PTBP3: variants seen among roughly 807,000 people sequenced by gnomAD.
The protein encoded by PTBP3 is polypyrimidine tract-binding protein 3.
PTBP3 carries 20 observed loss-of-function variants against 58.7 expected under a neutral mutation model. That is an observed-to-expected ratio of 0.34 (90% CI 0.24 to 0.50). The LOEUF (loss-of-function observed/expected upper bound fraction) is 0.50, where lower values mean the gene tolerates loss of function less well. Ranked by LOEUF, PTBP3 falls within the 20% of genes least tolerant of loss-of-function variation. The pLI is 0.98. For missense variants in PTBP3, 509 were observed against 637.2 expected (o/e 0.80, Z 2.17); for synonymous variants, 185 against 219.8 (o/e 0.84, Z 1.40).
intron 4 of PTBP3, among the ~76,000 whole-genome samples, chr9:112,264,542 A>G (rs930669352): frequency 3.3e-5 from 5 of 152,250 alleles, no homozygotes; most frequent in African/African-American, 1.2e-4. Context: ...TGCTATTCAG[A>G]GAACAAAAAG....
chr9:112,219,202 A>G lies in PTBP3; in HGVS notation c.*4649T>C, dbSNP rs1415927428. On this transcript the variant is annotated 3_prime_UTR_variant, in exon 14 of 14. Transcript: ENST00000374257. ...GTCAGAGCAATGAGGTGACACTTTGATGCAAAACTTTGCTTGGTCAGCAAT... is the reference window on the plus strand; with the variant it reads ...GTCAGAGCAATGAGGTGACACTTTGGTGCAAAACTTTGCTTGGTCAGCAAT... 6.6e-6 allele frequency: 1 copy of G among 152,632 alleles called. No homozygotes were observed. The highest frequency in any genetic ancestry group is 6.5e-5 in the Admixed American group (1 of 15,274). 9.5% of individuals were successfully genotyped at this position (152,632 alleles called of 1,614,324 possible).
Position 112,222,025 on chromosome 9 carries a change from T to TGCCTGTAGCCTCCTGCCTACAGGCTCA in PTBP3, c.*1799_*1825dup, listed in dbSNP as rs1834825126. The TGCCTGTAGCCTCCTGCCTACAGGCTCA allele has an allele frequency of 5.3e-6, 5 of 938,230 alleles. No homozygotes were observed. Among genetic ancestry groups the TGCCTGTAGCCTCCTGCCTACAGGCTCA allele is most frequent in the Middle Eastern group, 1.1e-3 (2 of 1,860 alleles). 58.1% of individuals were successfully genotyped at this position (938,230 alleles called of 1,614,324 possible). On this transcript the variant is annotated 3_prime_UTR_variant, in exon 14 of 14. Coordinates refer to ENST00000374257, the MANE Select transcript of PTBP3 (RefSeq NM_001163788.4). Reference sequence around the variant, plus strand: ...AACTCCTGGGCTCAAGTGATCCTCCTGCCTGTAGCCTCCTGCCTACAGGCT... The same window carrying TGCCTGTAGCCTCCTGCCTACAGGCTCA: ...AACTCCTGGGCTCAAGTGATCCTCCTGCCTGTAGCCTCCTGCCTACAGGCTCAGCCTGTAGCCTCCTGCCTACAGGCT...
intron 4 of PTBP3, among the ~76,000 whole-genome samples, chr9:112,265,950 T>C (rs1473636041): frequency 6.6e-6 from 1 of 152,188 alleles, no homozygotes; most frequent in Non-Finnish European, 1.5e-5. Flanking sequence ...AAAACATATG[T>C]AGATTCTTTT....
At chr9:112,267,671 A>T (rs1827153580) in intron 4 of PTBP3, among the ~76,000 whole-genome samples, 1 of 152,164 alleles carries the variant, frequency 6.6e-6, no homozygotes, top group Non-Finnish European at 1.5e-5. Flanking sequence ...AATTCTAAAA[A>T]TTTTTTATTA....
In PTBP3 at chr9:112,218,877, T is replaced by C. The variant is rs1486991706; in HGVS notation, c.*4974A>G. On this transcript the variant is annotated 3_prime_UTR_variant, in exon 14 of 14. Transcript: ENST00000374257. ...AGCATTTTCTTCTGTTAGACGAACA[T>C]TCTTAAAAACTGAAAAGGGGAATTT... 1 of 152,542 alleles carries C rather than the reference T, an allele frequency of 6.6e-6. No homozygotes were observed. The highest frequency in any genetic ancestry group is 1.5e-5 in the Non-Finnish European group (1 of 68,038). The allele number at this position is 152,542 out of a possible 1,614,324, so 9.4% of individuals were successfully genotyped here.
chr9:112,256,374 A>G lies in PTBP3; in HGVS notation c.517-3586T>C, dbSNP rs992298522. ...TTTATTTATATAACTGTCTCCTTTC[A>G]TTAGACTGAAGGCTCCTTGAAGGAA... is the stretch of plus-strand genomic sequence containing the variant. On this transcript the variant is annotated intron_variant, in intron 5 of 13. Transcript: ENST00000374257. Among the ~76,000 whole-genome samples the G allele has an allele frequency of 6.7e-5, 10 of 149,514 alleles. No individual in the cohort carries two copies. The South Asian group carries it at 2.1e-3, about 32-fold the overall frequency.
intron 7 of PTBP3, among the ~76,000 whole-genome samples, chr9:112,247,554 A>C (rs2132059250): frequency 3.2e-5 from 1 of 31,244 alleles, no homozygotes; most frequent in Non-Finnish European, 5.6e-5. Context: ...AAAAATGACA[A>C]AAAAAAAAAA....
chr9:112,272,082 T>A (rs1399400779), intron 3 of PTBP3, among the ~76,000 whole-genome samples: 1 of 152,092 alleles, frequency 6.6e-6, no homozygotes, highest in African/African-American at 2.4e-5. Context: ...ATTTTTTATT[T>A]TTTTTTTGAG....
At chr9:112,245,264 T>G (rs1216866739) in intron 7 of PTBP3, among the ~76,000 whole-genome samples, 1 of 152,138 alleles carries the variant, frequency 6.6e-6, no homozygotes, top group Admixed American at 6.5e-5. Context: ...GAGCCCAGAT[T>G]GTACCACTGC....
intron 2 of PTBP3, among the ~76,000 whole-genome samples, chr9:112,291,964 C>A (rs1219791989): frequency 2.4e-5 from 1 of 41,056 alleles, no homozygotes; most frequent in African/African-American, 2.7e-4. Flanking sequence ...AAACTACATA[C>A]GTGATGGGGG....
chr9:112,225,495 C>T (rs1381562879), intron 12 of PTBP3, among the ~76,000 whole-genome samples: 2 of 152,036 alleles, frequency 1.3e-5, no homozygotes, highest in African/African-American at 4.8e-5. Context: ...AGGTGACGGT[C>T]GCACAATAAT....
At position 112,268,129 on chromosome 9, in the gene PTBP3, G is replaced by A; in HGVS notation, c.271C>T (p.Pro91Ser). 1.2e-6 allele frequency: 2 copies of A among 1,613,900 alleles called. No individual in the cohort carries two copies. The highest frequency in any genetic ancestry group is 1.7e-6 in the Non-Finnish European group (2 of 1,179,872). Residue 91 changes from proline to serine, a missense_variant, in exon 4 of 14, where the codon CCT becomes TCT. By Grantham distance (74) the Pro-to-Ser change is moderately conservative (BLOSUM62 -1). Around this residue, in one of 4 missense-constraint regions of PTBP3, gnomAD observed 212 missense variants for 215.3 expected, o/e 0.98. Transcript: ENST00000374257. ...TAAACAGGCTGGCTTCGAAGGTGAG[G>A]AGTAATAGGAGTGTAATAATTCACC... Reference protein sequence around the residue: ...TMVNYYTPITPHLRSQPVYIQ... With the variant: ...TMVNYYTPITSHLRSQPVYIQ...
chr9:112,301,945 A>G (rs1380009923), intron 1 of PTBP3, among the ~76,000 whole-genome samples: 1 of 152,168 alleles, frequency 6.6e-6, no homozygotes. Flanking sequence ...TTCTCAGCCA[A>G]AGGATTCCTA....
chr9:112,223,623 A>G lies in PTBP3; in HGVS notation c.*228T>C. Reference sequence around the variant, plus strand: ...TTTTTCCTGATTTTCTTTTTCCTGAAGGTTATTTTTGTAGAAACCATGGTA... The same window carrying G: ...TTTTTCCTGATTTTCTTTTTCCTGAGGGTTATTTTTGTAGAAACCATGGTA... On this transcript the variant is annotated 3_prime_UTR_variant, in exon 14 of 14. Transcript: ENST00000374257. 1.6e-6 allele frequency: 2 copies of G among 1,244,026 alleles called. No homozygotes were observed. The highest frequency in any genetic ancestry group is 1.0e-6 in the Non-Finnish European group (1 of 986,024). 77.1% of individuals were successfully genotyped at this position (1,244,026 alleles called of 1,614,324 possible).
intron 7 of PTBP3, among the ~76,000 whole-genome samples, chr9:112,240,543 G>GATA (rs1835614177): frequency 6.6e-6 from 1 of 151,140 alleles, no homozygotes; most frequent in Non-Finnish European, 1.5e-5. Context: ...TATAATACTT[G>GATA]ATAATAAAGA....
At chr9:112,355,863 C>T in the PTBP3 span, among the ~76,000 whole-genome samples, 5 of 152,216 alleles carry the variant, frequency 3.3e-5, no homozygotes, top group African/African-American at 1.2e-4. Context: ...GCCATCTATC[C>T]GGCTTGGGCT....
chr9:112,333,325 A>C (rs1438209446), intron 1 of PTBP3, 145 bp downstream of exon 1: 1 of 1,037,790 alleles, frequency 9.6e-7, no homozygotes, highest in Non-Finnish European at 1.3e-6. Flanking sequence ...GACGCCCGGA[A>C]GCCCCGCCGT....
At chr9:112,232,666 C>T (rs1280576159) in intron 8 of PTBP3, among the ~76,000 whole-genome samples, 1 of 152,114 alleles carries the variant, frequency 6.6e-6, no homozygotes, top group Non-Finnish European at 1.5e-5. Context: ...CAAAAACATG[C>T]ATGCTAGGTA....
chr9:112,253,755 C>A (rs920066690), intron 5 of PTBP3, among the ~76,000 whole-genome samples: 4 of 152,064 alleles, frequency 2.6e-5, no homozygotes, highest in South Asian at 2.1e-4. Flanking sequence ...GTTTCCCCTG[C>A]GCACTCTCTC....
Sources: gnomAD v4.1 joint callset for allele counts (sites outside exome capture counted in the v4.1 genomes callset) on GRCh38, gnomAD v4.1.1 for gene constraint, gnomAD v4.1.1 regional missense constraint, MANE v1.5 for transcripts, NCBI Gene and HGNC (gene_info 2026-07-23, HGNC 2026-07-21) for gene names.